The following EPB41L2 variants were observed in gnomAD, a reference collection of about 807,000 sequenced individuals.
EPB41L2 encodes the protein band 4.1-like protein 2.
In EPB41L2, 43 loss-of-function variants were observed where a neutral mutation model predicts 113.0. The observed-to-expected ratio is 0.38, with a 90% CI of 0.30 to 0.49. The LOEUF is 0.49. EPB41L2 is among the 20% of genes least tolerant of loss of function. The pLI is 0.95. For missense variants in EPB41L2, 1,147 were observed against 1,223.4 expected (o/e 0.94, Z 0.93); for synonymous variants, 442 against 436.7 (o/e 1.01, Z -0.15).
At chr6:130,945,909 G>A (rs1812652223) in intron 3 of EPB41L2, among the ~76,000 whole-genome samples, 2 of 152,168 alleles carry the variant, frequency 1.3e-5, no homozygotes, top group South Asian at 4.1e-4. Flanking sequence ...AAGAGTGCTA[G>A]AGTCAAGTCC....
intron 1 of EPB41L2, among the ~76,000 whole-genome samples, chr6:130,967,981 A>C (rs1310619324): frequency 6.6e-6 from 1 of 151,724 alleles, no homozygotes; most frequent in South Asian, 2.1e-4. Flanking sequence ...ATACCAACAA[A>C]CTCCCATGAT....
intron 3 of EPB41L2, among the ~76,000 whole-genome samples, chr6:130,945,929 A>G (rs1812659047): frequency 6.6e-6 from 1 of 152,170 alleles, no homozygotes; most frequent in African/African-American, 2.4e-5. Flanking sequence ...CCTGAAGTAA[A>G]CATGCAGGAT....
intron 3 of EPB41L2, among the ~76,000 whole-genome samples, chr6:130,930,457 G>A (rs560052900): frequency 5.9e-5 from 9 of 152,070 alleles, no homozygotes; most frequent in Non-Finnish European, 1.3e-4. Context: ...TTGATTTGGA[G>A]TGCTCAAGTA....
At position 130,890,330 on chromosome 6, in the gene EPB41L2, T is replaced by C. The variant is rs756871086; in HGVS notation, c.1624A>G (p.Thr542Ala). 20 of 1,613,586 alleles carry C rather than the reference T, an allele frequency of 1.2e-5. No homozygotes were observed. Among genetic ancestry groups the C allele is most frequent in the Non-Finnish European group, 1.7e-5 (20 of 1,179,774 alleles). Residue 542 changes from threonine (T) to alanine (A), a missense_variant, in exon 11 of 20, where the codon ACT (threonine) becomes GCT (alanine). Transcript: ENST00000337057. ...CTCCTGGAGACCCGTTTACTAGAAG[T>C]GCGCTCAAAGTGTGGTGCTGGCCTA... is the stretch of plus-strand genomic sequence containing the variant. ...IDRPAPHFER[T>A]SSKRVSRSLD... is the part of the protein sequence containing the mutation.
chr6:130,925,206 TGAGACAGA>T (rs1804286623), intron 4 of EPB41L2, among the ~76,000 whole-genome samples: 1 of 150,098 alleles, frequency 6.7e-6, no homozygotes, highest in Non-Finnish European at 1.5e-5. Flanking sequence ...TTTTTTTTTT[TGAGACAGA>T]GTCTCACTCT....
intron 3 of EPB41L2, among the ~76,000 whole-genome samples, chr6:130,933,291 TATG>T (rs1418918534): frequency 1.3e-5 from 2 of 152,222 alleles, no homozygotes; most frequent in African/African-American, 2.4e-5. Context: ...ATTCTAATAA[TATG>T]ATATCAAGTT....
chr6:131,049,934 A>G (rs1175911303), intron 1 of EPB41L2, among the ~76,000 whole-genome samples: 2 of 152,212 alleles, frequency 1.3e-5, no homozygotes, highest in African/African-American at 2.4e-5. Context: ...TCTGGACACA[A>G]GAGACCTTGG....
chr6:130,909,892 T>C (rs529652291), intron 4 of EPB41L2, among the ~76,000 whole-genome samples: 1 of 152,234 alleles, frequency 6.6e-6, no homozygotes, highest in African/African-American at 2.4e-5. Context: ...CACAAACAAA[T>C]GGAAAAACAT....
chr6:130,851,128 T>C (rs946202296), intron 19 of EPB41L2, among the ~76,000 whole-genome samples: 11 of 152,314 alleles, frequency 7.2e-5, no homozygotes, highest in Admixed American at 4.6e-4. Context: ...ACACCTGATA[T>C]GCCTGCAGAA....
At chr6:130,846,391 A>C (rs1353216623) in intron 19 of EPB41L2, among the ~76,000 whole-genome samples, 3 of 152,240 alleles carry the variant, frequency 2.0e-5, no homozygotes, top group Non-Finnish European at 4.4e-5. Context: ...TGGGCCTTCA[A>C]TAATTTTTAG....
At chr6:130,845,338 A>G (rs550797314) in intron 19 of EPB41L2, among the ~76,000 whole-genome samples, 5 of 152,208 alleles carry the variant, frequency 3.3e-5, no homozygotes, top group African/African-American at 1.2e-4. Flanking sequence ...CTCAGCCTAC[A>G]TAAGTCGAAG....
chr6:130,967,099 C>T (rs1775432367), intron 1 of EPB41L2, among the ~76,000 whole-genome samples: 1 of 151,872 alleles, frequency 6.6e-6, no homozygotes, highest in South Asian at 2.1e-4. Flanking sequence ...TACAGTTGTC[C>T]CTCAGTATCT....
At chr6:130,874,610 G>A (rs1158291975) in intron 14 of EPB41L2, among the ~76,000 whole-genome samples, 2 of 152,190 alleles carry the variant, frequency 1.3e-5, no homozygotes, top group Admixed American at 6.5e-5. Flanking sequence ...ATGAATGGAT[G>A]ATTGTAATAA....
At chr6:130,925,243 C>G (rs1176027842) in intron 4 of EPB41L2, among the ~76,000 whole-genome samples, 1 of 139,336 alleles carries the variant, frequency 7.2e-6, no homozygotes, top group Non-Finnish European at 1.5e-5. Context: ...GGCTGGAGTG[C>G]AGTGGCGTGA....
intron 16 of EPB41L2, among the ~76,000 whole-genome samples, chr6:130,866,734 T>C (rs1240913413): frequency 6.6e-6 from 1 of 152,248 alleles, no homozygotes; most frequent in Non-Finnish European, 1.5e-5. Flanking sequence ...AAAATATTTA[T>C]TTTATATTCT....
At chr6:130,851,012 A>G (rs1459845778) in intron 19 of EPB41L2, among the ~76,000 whole-genome samples, 1 of 152,236 alleles carries the variant, frequency 6.6e-6, no homozygotes, top group Non-Finnish European at 1.5e-5. Flanking sequence ...GTCAGTCCTC[A>G]TCTGAGGTGT....
chr6:130,997,296 A>T (rs1346281087), intron 1 of EPB41L2, among the ~76,000 whole-genome samples: 1 of 152,178 alleles, frequency 6.6e-6, no homozygotes, highest in Non-Finnish European at 1.5e-5. Context: ...GCCACTTAAA[A>T]CGCTATTAAG....
At chr6:131,044,502 T>G (rs1455245427) in intron 1 of EPB41L2, among the ~76,000 whole-genome samples, 1 of 152,202 alleles carries the variant, frequency 6.6e-6, no homozygotes, top group Non-Finnish European at 1.5e-5. Flanking sequence ...ATTCAGAATC[T>G]TTTTCATCTT....
chr6:130,851,265 T>C (rs1778703394), intron 19 of EPB41L2, among the ~76,000 whole-genome samples: 1 of 152,198 alleles, frequency 6.6e-6, no homozygotes. Context: ...ACAGGGTTCT[T>C]TTCTCTCATC....
Sources: gnomAD v4.1 joint callset for allele counts (sites outside exome capture counted in the v4.1 genomes callset) on GRCh38, gnomAD v4.1.1 for gene constraint, MANE v1.5 for transcripts, NCBI Gene and HGNC (gene_info 2026-07-23, HGNC 2026-07-21) for gene names.